SPCS3: variants seen among roughly 807,000 people sequenced by gnomAD.
SPCS3 encodes the protein SPase 22 kDa subunit.
A neutral mutation model predicts 17.2 loss-of-function variants in SPCS3; 9 were observed. The ratio of observed to expected loss-of-function variants is 0.52; its 90% CI spans 0.31 to 0.91. The LOEUF is 0.91. Ranked by LOEUF, SPCS3 falls within the 40% of genes least tolerant of loss-of-function variation. The pLI is 0.04. For missense variants in SPCS3, 139 were observed against 217.5 expected (o/e 0.64, Z 2.27); for synonymous variants, 87 against 89.6 (o/e 0.97, Z 0.16).
Position 176,319,977 on chromosome 4 carries a change from G to A in SPCS3, c.-100G>A. 7.6e-7 allele frequency: 1 copy of A among 1,315,252 alleles called. No individual in the cohort carries two copies. Among genetic ancestry groups the A allele is most frequent in the East Asian group, 3.1e-5 (1 of 32,232 alleles). 81.5% of individuals were successfully genotyped at this position (1,315,252 alleles called of 1,614,324 possible). On this transcript the variant is annotated 5_prime_UTR_variant, in exon 1 of 5. Coordinates refer to ENST00000503362, the MANE Select transcript of SPCS3 (RefSeq NM_021928.4). ...CTGCGGCGGCGCGCGCTCCCGGAAC[G>A]CGCGCACCGCAGACGGCGCGGATCG...
At chr4:176,321,217 T>C (rs1247531446) in intron 1 of SPCS3, 3 of 151,848 alleles carry the variant, frequency 2.0e-5, no homozygotes, top group African/African-American at 4.8e-5. Context: ...ATTGTTCGAA[T>C]AGACCTGGGG....
chr4:176,320,015 C>A lies in SPCS3; in HGVS notation c.-62C>A. 1 of 1,430,706 alleles carries A rather than the reference C, an allele frequency of 7.0e-7. No individual in the cohort carries two copies. The highest frequency in any genetic ancestry group is 1.5e-5 in the South Asian group (1 of 68,506). 88.6% of individuals were successfully genotyped at this position (1,430,706 alleles called of 1,614,324 possible). On this transcript the variant is annotated 5_prime_UTR_variant, in exon 1 of 5. Coordinates refer to ENST00000503362, the MANE Select transcript of SPCS3 (RefSeq NM_021928.4). ...ACGGCGCGGATCGCAGGGAGCCGGT[C>A]CGCCGCCGGAACGGGAGCCTGGGTG...
intron 4 of SPCS3, 120 bp from the exon 5 acceptor site, chr4:176,328,078 G>T: frequency 2.2e-6 from 2 of 903,772 alleles, no homozygotes; most frequent in Non-Finnish European, 3.3e-6. Flanking sequence ...TAACATATTA[G>T]GATTTCTGTT....
chr4:176,324,379 C>A, intron 3 of SPCS3, 122 bp downstream of exon 3: 1 of 454,500 alleles, frequency 2.2e-6, no homozygotes, highest in Non-Finnish European at 3.4e-6. Flanking sequence ...CATCACAAGC[C>A]AGTGGAGGTA....
chr4:176,321,163 C>CTTTTTTT (rs78459075), intron 1 of SPCS3: 1 of 142,032 alleles, frequency 7.0e-6, no homozygotes, highest in Non-Finnish European at 1.5e-5. Context: ...CTCCCCCCAC[C>CTTTTTTT]TTTTTTTTTT....
At chr4:176,324,840 A>G (rs772234761) in intron 3 of SPCS3, among the ~76,000 whole-genome samples, 1 of 152,200 alleles carries the variant, frequency 6.6e-6, no homozygotes, top group Non-Finnish European at 1.5e-5. Flanking sequence ...TGGAGCTCAT[A>G]CTTGTATTCC....
In SPCS3 at chr4:176,330,147, AAGC is replaced by A. The variant is rs1731664681; in HGVS notation, c.*1819_*1821del. ...TGTTCAGCAAAGAGATTGAACAAAA[AAGC>A]ACGTTAGTAATATGAAGACAGGAAA... On this transcript the variant is annotated 3_prime_UTR_variant, in exon 5 of 5. Coordinates refer to ENST00000503362, the MANE Select transcript of SPCS3 (RefSeq NM_021928.4). 1 of 152,234 alleles carries A rather than the reference AAGC, an allele frequency of 6.6e-6. No individual in the cohort carries two copies. Among genetic ancestry groups the A allele is most frequent in the African/African-American group, 2.4e-5 (1 of 41,466 alleles). The allele number at this position is 152,234 out of a possible 1,614,324, so 9.4% of individuals were successfully genotyped here. A position where few individuals can be genotyped will look rare whatever the true frequency, so the allele number is the denominator to read the frequency against.
chr4:176,322,347 C>A, intron 2 of SPCS3, 104 bp downstream of exon 2: 3 of 745,274 alleles, frequency 4.0e-6, no homozygotes, highest in African/African-American at 1.8e-5. Flanking sequence ...TTGAATCAGC[C>A]AAACCTTGGA....
chr4:176,327,790 G>T (rs923596987), intron 4 of SPCS3, among the ~76,000 whole-genome samples: 1 of 152,186 alleles, frequency 6.6e-6, no homozygotes, highest in African/African-American at 2.4e-5. Context: ...CAAGCCAAAC[G>T]TCTGTATTTG....
At chr4:176,327,048 T>C in intron 3 of SPCS3, 114 bp from the exon 4 acceptor site, 1 of 617,514 alleles carries the variant, frequency 1.6e-6, no homozygotes, top group South Asian at 2.1e-5. Context: ...TTCAGCAAGC[T>C]CCTCAAGTTG....
chr4:176,319,983 A>G lies in SPCS3; in HGVS notation c.-94A>G. The stretch of plus-strand genomic sequence containing the variant: ...CGGCGCGCGCTCCCGGAACGCGCGC[A>G]CCGCAGACGGCGCGGATCGCAGGGA... On this transcript the variant is annotated 5_prime_UTR_variant, in exon 1 of 5. Coordinates refer to ENST00000503362, the MANE Select transcript of SPCS3 (RefSeq NM_021928.4). 7.8e-7 allele frequency: 1 copy of G among 1,290,316 alleles called. No individual in the cohort carries two copies. The highest frequency in any genetic ancestry group is 1.0e-6 in the Non-Finnish European group (1 of 999,338). 79.9% of individuals were successfully genotyped at this position (1,290,316 alleles called of 1,614,324 possible). A position where few individuals can be genotyped will look rare whatever the true frequency, so the allele number is the denominator to read the frequency against.
At chr4:176,324,124 G>A in intron 2 of SPCS3, 57 bp from the exon 3 acceptor site, 1 of 853,588 alleles carries the variant, frequency 1.2e-6, no homozygotes, top group Non-Finnish European at 1.6e-6. Context: ...GAATAATTAA[G>A]ATCTATTTAA....
intron 3 of SPCS3, among the ~76,000 whole-genome samples, chr4:176,324,803 A>G (rs889749582): frequency 1.3e-5 from 2 of 152,222 alleles, no homozygotes; most frequent in African/African-American, 2.4e-5. Flanking sequence ...CTAATAATCC[A>G]TGCATATGTA....
At chr4:176,321,064 A>G (rs1488707344) in intron 1 of SPCS3, 1 of 148,928 alleles carries the variant, frequency 6.7e-6, no homozygotes, top group Non-Finnish European at 1.5e-5. Context: ...ATACCCTTCT[A>G]CTCTATTTCC....
chr4:176,320,380 G>A (rs1731519468), intron 1 of SPCS3, 161 bp downstream of exon 1: 1 of 480,452 alleles, frequency 2.1e-6, no homozygotes. Context: ...CGTCAGGGGT[G>A]GACGTCGCAG....
chr4:176,324,221 T>C lies in SPCS3; in HGVS notation c.258T>C (p.Phe86=). 1 of 1,174,332 alleles carries C rather than the reference T, an allele frequency of 8.5e-7. No individual in the cohort carries two copies. The highest frequency in any genetic ancestry group is 1.2e-6 in the Non-Finnish European group (1 of 852,638). 72.7% of individuals were successfully genotyped at this position (1,174,332 alleles called of 1,614,324 possible). The part of the protein sequence containing the change: ...NIFDWNVKQL[F]LYLSAEYSTK... ...TTGATTGGAATGTTAAGCAGTTGTTTCTTTATTTATCAGCAGAATATTCAA... is the reference window on the plus strand; with the variant it reads ...TTGATTGGAATGTTAAGCAGTTGTTCCTTTATTTATCAGCAGAATATTCAA... Residue 86 remains phenylalanine (F), a synonymous_variant, in exon 3 of 5, where the codon TTT becomes TTC. Transcript: ENST00000503362.
chr4:176,325,888 C>T (rs1731600240), intron 3 of SPCS3, among the ~76,000 whole-genome samples: 1 of 152,126 alleles, frequency 6.6e-6, no homozygotes, highest in African/African-American at 2.4e-5. Context: ...GGATTACAGG[C>T]ACCCACCACC....
At chr4:176,322,278 G>A (rs2127000003) in intron 2 of SPCS3, 35 bp downstream of exon 2, 1 of 1,406,120 alleles carries the variant, frequency 7.1e-7, no homozygotes, top group African/African-American at 1.4e-5. Flanking sequence ...TGCGTTTTCT[G>A]TAGTTTTATA....
intron 4 of SPCS3, 45 bp from the exon 5 acceptor site, chr4:176,328,153 C>G: frequency 6.3e-7 from 1 of 1,593,112 alleles, no homozygotes; most frequent in South Asian, 1.2e-5. Flanking sequence ...TTTTTTTGAA[C>G]TACTAGTGTC....
Sources: gnomAD v4.1 joint callset for allele counts (sites outside exome capture counted in the v4.1 genomes callset) on GRCh38, gnomAD v4.1.1 for gene constraint, MANE v1.5 for transcripts, NCBI Gene and HGNC (gene_info 2026-07-23, HGNC 2026-07-21) for gene names.